The following NRXN3 variants were observed in gnomAD, a reference collection of about 807,000 sequenced individuals.
NRXN3 encodes neurexin 3.
In NRXN3, 32 loss-of-function variants were observed where a neutral mutation model predicts 137.6. The observed-to-expected ratio is 0.23, with a 90% CI of 0.18 to 0.31. The LOEUF is 0.31. Ranked by LOEUF, NRXN3 falls within the 10% of genes least tolerant of loss-of-function variation. The probability of loss-of-function intolerance (pLI) is 1.00; values close to 1 mark genes in which losing one functional copy is unlikely to be tolerated. For missense variants in NRXN3, 1,574 were observed against 2,062.5 expected (o/e 0.76, Z 4.59); for synonymous variants, 798 against 784.5 (o/e 1.02, Z -0.29).
intron 1 of NRXN3, among the ~76,000 whole-genome samples, chr14:78,174,600 C>T (rs2059083074): frequency 1.3e-5 from 2 of 152,146 alleles, no homozygotes; most frequent in Non-Finnish European, 2.9e-5. Context: ...GTGGTTCAAG[C>T]AGGAGGCTGC....
At chr14:79,621,832 C>G (rs1383222944) in intron 16 of NRXN3, among the ~76,000 whole-genome samples, 1 of 152,190 alleles carries the variant, frequency 6.6e-6, no homozygotes, top group African/African-American at 2.4e-5. Flanking sequence ...GCTTGCTGCT[C>G]AAGTAATGGA....
At chr14:79,858,002 C>G (rs2099406430) in intron 20 of NRXN3, among the ~76,000 whole-genome samples, 1 of 152,116 alleles carries the variant, frequency 6.6e-6, no homozygotes, top group South Asian at 2.1e-4. Context: ...TTTCTAAACT[C>G]TGAGATGGCA....
At chr14:79,471,888 C>CA (rs2096513995) in intron 16 of NRXN3, among the ~76,000 whole-genome samples, 1 of 152,088 alleles carries the variant, frequency 6.6e-6, no homozygotes, top group Non-Finnish European at 1.5e-5. Context: ...AGGCTTGTTA[C>CA]ATAGGTAAAC....
At chr14:78,345,674 CT>C (rs2153586326) in intron 4 of NRXN3, among the ~76,000 whole-genome samples, 1 of 152,228 alleles carries the variant, frequency 6.6e-6, no homozygotes, top group East Asian at 1.9e-4. Context: ...ATTGGTTTCC[CT>C]TATGGGTTAT....
At chr14:79,442,843 C>T (rs1021661939) in intron 15 of NRXN3, among the ~76,000 whole-genome samples, 10 of 152,106 alleles carry the variant, frequency 6.6e-5, no homozygotes, top group Non-Finnish European at 1.3e-4. Context: ...GCAGGGACAC[C>T]CTAGACGTTC....
chr14:79,653,043 G>GAC (rs377650003), intron 16 of NRXN3, among the ~76,000 whole-genome samples: 21 of 150,292 alleles, frequency 1.4e-4, no homozygotes, highest in African/African-American at 2.7e-4. Flanking sequence ...CTATCTCCAG[G>GAC]ACACACACAC....
chr14:79,338,218 AGTGTGTGTGTGTGT>A (rs56816357), intron 15 of NRXN3, among the ~76,000 whole-genome samples: 1 of 141,148 alleles, frequency 7.1e-6, no homozygotes, highest in African/African-American at 2.6e-5. Flanking sequence ...TGTGTATGTG[AGTGTGTGTGTGTGT>A]GTGTGTGTGT....
At chr14:78,340,457 G>A (rs776982209) in intron 4 of NRXN3, among the ~76,000 whole-genome samples, 7 of 152,160 alleles carry the variant, frequency 4.6e-5, no homozygotes, top group Admixed American at 3.3e-4. Flanking sequence ...TGACTCAGAA[G>A]TTTGCCCCAG....
At position 78,193,601 on chromosome 14, in the gene NRXN3, A is replaced by G. The variant is rs150010864; in HGVS notation, c.-704+22927A>G. ...ACATGGTGAAACCCCATCTCTACTA[A>G]AAATACAAAAATTAGCTGGATGTGG... On this transcript the variant is annotated intron_variant, in intron 1 of 20. Coordinates refer to ENST00000335750, the MANE Select transcript of NRXN3 (RefSeq NM_001330195.2). 6.6e-5 allele frequency among the ~76,000 whole-genome samples: 10 copies of G among 152,184 alleles called. No individual in the cohort carries two copies. The East Asian group carries it at 1.9e-3, about 30-fold the overall frequency.
At chr14:79,258,371 A>AT (rs996953263) in intron 15 of NRXN3, among the ~76,000 whole-genome samples, 2 of 151,734 alleles carry the variant, frequency 1.3e-5, no homozygotes, top group Admixed American at 6.6e-5. Flanking sequence ...CACCTGGCTA[A>AT]TTTTTTTGTT....
At chr14:78,830,087 A>T (rs2098977582) in intron 10 of NRXN3, among the ~76,000 whole-genome samples, 1 of 152,030 alleles carries the variant, frequency 6.6e-6, no homozygotes, top group African/African-American at 2.4e-5. Context: ...TGGATTTTTT[A>T]AAAAATAAAA....
At chr14:79,192,658 T>C (rs2064529930) in intron 15 of NRXN3, among the ~76,000 whole-genome samples, 1 of 152,146 alleles carries the variant, frequency 6.6e-6, no homozygotes, top group Admixed American at 6.5e-5. Flanking sequence ...TGAAAGTCTG[T>C]GACTAATTTT....
At chr14:78,810,377 T>TAAAAAA in intron 10 of NRXN3, 33 bp downstream of exon 10, 3 of 745,670 alleles carry the variant, frequency 4.0e-6, no homozygotes, top group Non-Finnish European at 5.9e-6. Flanking sequence ...TTTTGTTCTT[T>TAAAAAA]AAAAAAAAAA....
At chr14:78,606,557 C>A (rs780004405) in intron 4 of NRXN3, among the ~76,000 whole-genome samples, 1 of 152,174 alleles carries the variant, frequency 6.6e-6, no homozygotes, top group African/African-American at 2.4e-5. Context: ...CGGTCTCTCC[C>A]GCTAGGCTGT....
intron 10 of NRXN3, among the ~76,000 whole-genome samples, chr14:78,956,733 A>G (rs1395910929): frequency 1.3e-5 from 2 of 152,090 alleles, no homozygotes; most frequent in Non-Finnish European, 2.9e-5. Context: ...TCCTAGTAGG[A>G]CCCTGTGTTA....
At chr14:79,408,198 A>G (rs1567041977) in intron 15 of NRXN3, among the ~76,000 whole-genome samples, 1 of 152,114 alleles carries the variant, frequency 6.6e-6, no homozygotes, top group Admixed American at 6.6e-5. Context: ...TGCACTGAAC[A>G]CTATTTCTCT....
At chr14:79,725,177 C>T (rs1474015099) in intron 19 of NRXN3, among the ~76,000 whole-genome samples, 2 of 152,140 alleles carry the variant, frequency 1.3e-5, no homozygotes, top group East Asian at 3.9e-4. Flanking sequence ...CTTAGAAAAA[C>T]TGTTTTTGGT....
chr14:79,146,583 T>A (rs901929839), intron 15 of NRXN3, among the ~76,000 whole-genome samples: 2 of 152,038 alleles, frequency 1.3e-5, no homozygotes, highest in African/African-American at 4.8e-5. Context: ...TGAGGTCTGA[T>A]AGGCTTTAGA....
rs31365 is a variant in NRXN3 at position 78,956,795 on chromosome 14, A to G, written c.2276-447A>G. Among the ~76,000 whole-genome samples, 1,521 of 152,302 alleles carry G rather than the reference A, an allele frequency of 1.0e-2. 21 individuals are homozygous for G. Among genetic ancestry groups the G allele is most frequent in the African/African-American group, 0.035 (1,448 of 41,538 alleles). ...TGTTGCAAAGTTCTTTTCTCGTCCT[A>G]TTGGTGGATACTCTCTAAAAGCCAG... is the stretch of plus-strand genomic sequence containing the variant. On this transcript the variant is annotated intron_variant, in intron 10 of 20. Transcript: ENST00000335750.
Sources: gnomAD v4.1 joint callset for allele counts (sites outside exome capture counted in the v4.1 genomes callset) on GRCh38, gnomAD v4.1.1 for gene constraint, MANE v1.5 for transcripts, NCBI Gene and HGNC (gene_info 2026-07-23, HGNC 2026-07-21) for gene names.